The following LIMCH1 variants were observed in gnomAD, a reference collection of about 807,000 sequenced individuals.
LIMCH1 encodes the protein LIM and calponin homology domains-containing protein 1.
A neutral mutation model predicts 176.5 loss-of-function variants in LIMCH1; 113 were observed. The observed-to-expected ratio is 0.64, with a 90% CI of 0.55 to 0.75. The LOEUF is 0.75. Among genes scored for constraint, LIMCH1 ranks in the 30% least tolerant of loss-of-function variants. The pLI, the probability that LIMCH1 is intolerant of heterozygous loss-of-function variation, is 0.00. For missense variants in LIMCH1, 1,674 were observed against 1,814.9 expected, an observed-to-expected ratio of 0.92 and a Z score of 1.41; for synonymous variants, 619 against 645.9, an observed-to-expected ratio of 0.96 and a Z score of 0.63.
intron 1 of LIMCH1, among the ~76,000 whole-genome samples, chr4:41,409,305 T>C (rs908389595): frequency 4.6e-5 from 7 of 152,196 alleles, no homozygotes; most frequent in African/African-American, 1.7e-4. Flanking sequence ...GCTTGAATTT[T>C]GAGTCAGTTC....
intron 1 of LIMCH1, among the ~76,000 whole-genome samples, chr4:41,433,671 G>C (rs2061799487): frequency 7.3e-6 from 1 of 136,284 alleles, no homozygotes; most frequent in Non-Finnish European, 1.5e-5. Flanking sequence ...GAAGCTGTTA[G>C]TCTTCTTTTT....
intron 7 of LIMCH1, among the ~76,000 whole-genome samples, chr4:41,622,550 C>T (rs1310269162): frequency 1.3e-5 from 2 of 152,128 alleles, no homozygotes; most frequent in African/African-American, 2.4e-5. Context: ...ATTCAGCACA[C>T]TCAGGAATAA....
chr4:41,411,505 C>G lies in LIMCH1; in HGVS notation c.96+50569C>G, dbSNP rs1483390796. ...ACTATAGGTGCAGGCTACTGCCCAGCTTGCTGTTTTTCTTTTTATCAGGAA... is the reference window on the plus strand; with the variant it reads ...ACTATAGGTGCAGGCTACTGCCCAGGTTGCTGTTTTTCTTTTTATCAGGAA... On this transcript the variant is annotated intron_variant, in intron 1 of 26. Coordinates refer to the LIMCH1 transcript ENST00000313860. Among the ~76,000 whole-genome samples, 4 of 152,040 alleles carry G rather than the reference C, an allele frequency of 2.6e-5. No homozygotes were observed. In the South Asian group the frequency reaches 8.3e-4, roughly 31 times the overall value.
chr4:41,554,806 C>T (rs2081015654), intron 1 of LIMCH1, among the ~76,000 whole-genome samples: 1 of 152,146 alleles, frequency 6.6e-6, no homozygotes, highest in South Asian at 2.1e-4. Context: ...CTTGAATTAA[C>T]TAAGTTCATT....
intron 13 of LIMCH1, among the ~76,000 whole-genome samples, chr4:41,637,677 A>G (rs533797407): frequency 1.9e-4 from 29 of 152,168 alleles, no homozygotes; most frequent in Non-Finnish European, 2.2e-4. Flanking sequence ...GGCCATTTCA[A>G]CAGAGATTTG....
rs185258894 is a variant in LIMCH1, at chr4:41,375,094, A to T, written c.96+14158A>T. Among the ~76,000 whole-genome samples the T allele has an allele frequency of 8.5e-5, 13 of 152,300 alleles. No individual in the cohort carries two copies. In the East Asian group the frequency reaches 2.5e-3, roughly 29 times the overall value. On this transcript the variant is annotated intron_variant, in intron 1 of 26. Coordinates refer to the LIMCH1 transcript ENST00000313860. ...AGAATGGGTAAAGTGGATGCCAAAG[A>T]GGCTACCACCAATTGTTACTAACAT...
intron 1 of LIMCH1, among the ~76,000 whole-genome samples, chr4:41,361,480 G>T (rs994592852): frequency 6.6e-6 from 1 of 152,224 alleles, no homozygotes; most frequent in East Asian, 1.9e-4. Flanking sequence ...CAGGTGTGAG[G>T]CTGGCACAGT....
intron 28 of LIMCH1, among the ~76,000 whole-genome samples, chr4:41,687,264 G>A (rs971744000): frequency 6.6e-6 from 1 of 152,126 alleles, no homozygotes; most frequent in Non-Finnish European, 1.5e-5. Flanking sequence ...TCTAGCTGGG[G>A]GCTATTCTGA....
chr4:41,546,698 T>G (rs1247374179), intron 1 of LIMCH1, among the ~76,000 whole-genome samples: 1 of 152,152 alleles, frequency 6.6e-6, no homozygotes, highest in African/African-American at 2.4e-5. Context: ...TGTGATAGAT[T>G]ATGGCACTAA....
chr4:41,565,460 GATAA>G (rs976507373), intron 1 of LIMCH1, among the ~76,000 whole-genome samples: 2 of 148,716 alleles, frequency 1.3e-5, no homozygotes, highest in African/African-American at 5.0e-5. Context: ...ATATATATGA[GATAA>G]ATATATATAT....
intron 1 of LIMCH1, among the ~76,000 whole-genome samples, chr4:41,558,253 A>G (rs1049613659): frequency 2.0e-5 from 3 of 152,152 alleles, no homozygotes; most frequent in Admixed American, 2.0e-4. Context: ...CATTGAAAAA[A>G]AAAACTTCAA....
chr4:41,664,728 G>A (rs900272280), intron 20 of LIMCH1, among the ~76,000 whole-genome samples: 4 of 152,110 alleles, frequency 2.6e-5, no homozygotes, highest in Admixed American at 6.5e-5. Context: ...CAGTCATTGC[G>A]AACCTCATCT....
intron 2 of LIMCH1, among the ~76,000 whole-genome samples, chr4:41,511,195 G>A (rs1323479489): frequency 6.6e-6 from 1 of 152,174 alleles, no homozygotes; most frequent in Non-Finnish European, 1.5e-5. Context: ...CATTTGCACT[G>A]GTCACAGAGG....
chr4:41,459,491 G>A (rs2065029845), intron 1 of LIMCH1, among the ~76,000 whole-genome samples: 1 of 152,028 alleles, frequency 6.6e-6, no homozygotes. Context: ...CTGTAAAGAC[G>A]AGGTCTCACC....
At chr4:41,427,506 C>G (rs899065851) in intron 1 of LIMCH1, among the ~76,000 whole-genome samples, 2 of 152,114 alleles carry the variant, frequency 1.3e-5, no homozygotes, top group African/African-American at 4.8e-5. Flanking sequence ...CACTTGGTTC[C>G]GAGCAGTGAC....
In LIMCH1 at chr4:41,670,785, C is replaced by G. The variant is rs1042563585; in HGVS notation, c.3398-769C>G. On this transcript the variant is annotated intron_variant, in intron 21 of 31. Transcript: ENST00000503057. ...CTTGGCGACGATCCCAGTTTTTCTC[C>G]CAGTCAGGTAAACTGCATACTGGGT... The G allele has an allele frequency of 4.6e-6, 7 of 1,535,924 alleles. No homozygotes were observed. In the Admixed American group the frequency reaches 1.2e-4, roughly 26 times the overall value.
At chr4:41,424,200 C>A (rs976810532) in intron 1 of LIMCH1, among the ~76,000 whole-genome samples, 1 of 152,088 alleles carries the variant, frequency 6.6e-6, no homozygotes, top group Non-Finnish European at 1.5e-5. Context: ...TCCCTGTGAA[C>A]ATGGAACTCT....
intron 1 of LIMCH1, among the ~76,000 whole-genome samples, chr4:41,597,018 TC>T (rs1474068655): frequency 6.6e-6 from 1 of 151,652 alleles, no homozygotes; most frequent in Admixed American, 6.6e-5. Flanking sequence ...ACCGTCTACC[TC>T]CCCCCAACCC....
chr4:41,685,753 A>G lies in LIMCH1; in HGVS notation c.4011A>G (p.Ser1337=). Reference sequence around the variant, plus strand: ...AGACATCAAATCCAACGCACAGTTCAGAAGATGTGAAGCCAAAAACCCTCC... The same window carrying G: ...AGACATCAAATCCAACGCACAGTTCGGAAGATGTGAAGCCAAAAACCCTCC... The part of the protein sequence containing the change: ...NQQTSNPTHS[S]EDVKPKTLPL... Residue 1337 remains serine (S), a synonymous_variant, in exon 28 of 32, where the codon TCA becomes TCG. Coordinates refer to ENST00000503057, the MANE Select transcript of LIMCH1 (RefSeq NM_001330672.2). 6.2e-7 allele frequency: 1 copy of G among 1,613,752 alleles called. No individual in the cohort carries two copies. The highest frequency in any genetic ancestry group is 8.5e-7 in the Non-Finnish European group (1 of 1,179,724).
Sources: allele counts gnomAD v4.1 joint callset (sites outside exome capture counted in the v4.1 genomes callset), GRCh38; gene constraint gnomAD v4.1.1; transcripts MANE v1.5; gene names NCBI Gene and HGNC (gene_info 2026-07-23, HGNC 2026-07-21).